The following SRRM4 variants were observed in gnomAD, a reference collection of about 807,000 sequenced individuals.
The protein encoded by SRRM4 is serine/arginine repetitive matrix protein 4.
In SRRM4, 33 loss-of-function variants were observed where a neutral mutation model predicts 68.9. That is an observed-to-expected ratio of 0.48 (90% CI 0.36 to 0.64). The LOEUF is 0.64. Ranked by LOEUF, SRRM4 falls within the 30% of genes least tolerant of loss-of-function variation. The pLI, the probability that SRRM4 is intolerant of heterozygous loss-of-function variation, is 0.00. For synonymous variants in SRRM4, 318 were observed against 318.8 expected (o/e 1.00, Z 0.03); for missense variants, 817 against 827.1 (o/e 0.99, Z 0.15).
chr12:119,004,808 G>T (rs1009275672), intron 1 of SRRM4, among the ~76,000 whole-genome samples: 2 of 151,940 alleles, frequency 1.3e-5, no homozygotes, highest in Admixed American at 1.3e-4. Context: ...AAAGGCAGAA[G>T]TGAAGACGAT....
At chr12:119,102,620 A>T (rs1210132857) in intron 2 of SRRM4, among the ~76,000 whole-genome samples, 1 of 152,246 alleles carries the variant, frequency 6.6e-6, no homozygotes, top group East Asian at 1.9e-4. Context: ...CATTATGCAA[A>T]CAAAAAGCAT....
At chr12:118,991,011 G>A (rs139659392) in intron 1 of SRRM4, among the ~76,000 whole-genome samples, 1 of 152,016 alleles carries the variant, frequency 6.6e-6, no homozygotes, top group Non-Finnish European at 1.5e-5. Context: ...CACCATTTTG[G>A]CCAGGCTGGT....
At position 119,159,083 on chromosome 12, in the gene SRRM4, G is replaced by C. The variant is rs1314203327; in HGVS notation, c.*2285G>C. ...TTTTTCTGCTGTTTTTTATGGATGG[G>C]ATTTGAGAGGCCAAAGGTGAGTGGG... On this transcript the variant is annotated 3_prime_UTR_variant, in exon 13 of 13. Transcript: ENST00000267260. 6.6e-6 allele frequency: 1 copy of C among 150,398 alleles called. No homozygotes were observed. Among genetic ancestry groups the C allele is most frequent in the Non-Finnish European group, 1.5e-5 (1 of 67,852 alleles). The allele number at this position is 150,398 out of a possible 1,614,324, so 9.3% of individuals were successfully genotyped here. A position where few individuals can be genotyped will look rare whatever the true frequency, so the allele number is the denominator to read the frequency against.
intron 1 of SRRM4, among the ~76,000 whole-genome samples, chr12:119,050,021 G>A (rs1953732406): frequency 6.6e-6 from 1 of 152,132 alleles, no homozygotes; most frequent in Non-Finnish European, 1.5e-5. Flanking sequence ...ACACAATTCA[G>A]CCTCAAACAA....
At position 119,114,363 on chromosome 12, in the gene SRRM4, A is replaced by T; in HGVS notation, c.364A>T (p.Arg122Trp). ...KKKSTRKKRRRSSSYSPSPVK... is the reference protein window; with the variant it reads ...KKKSTRKKRRWSSSYSPSPVK... ...GAAATCCACTCGGAAGAAGAGAAGG[A>T]GGTAAGAGCACCAAGAGGGAGATAA... Residue 122 changes from arginine (R) to tryptophan (W), a missense_variant and splice_region_variant, in exon 3 of 13, where the codon AGG (arginine) becomes TGG (tryptophan). Coordinates refer to ENST00000267260, the MANE Select transcript of SRRM4 (RefSeq NM_194286.4). The T allele has an allele frequency of 1.9e-6, 3 of 1,603,842 alleles. No homozygotes were observed. Among genetic ancestry groups the T allele is most frequent in the Non-Finnish European group, 2.6e-6 (3 of 1,174,750 alleles).
chr12:119,013,282 G>A (rs1953461236), intron 1 of SRRM4, among the ~76,000 whole-genome samples: 1 of 152,050 alleles, frequency 6.6e-6, no homozygotes, highest in Non-Finnish European at 1.5e-5. Flanking sequence ...ATCAGGCCCA[G>A]AGAGGCTAAG....
chr12:119,154,263 G>A lies in SRRM4; in HGVS notation c.1412G>A (p.Ser471Asn). ...TTCAGGGAGCGGGATCCCAAATACA[G>A]TGAGAAGGACTCGCAGCAGCGGGAG... ...SPSRERDPKY[S>N]EKDSQQRERE... is the part of the protein sequence containing the mutation. Residue 471 changes from serine (S) to asparagine (N), a missense_variant, in exon 12 of 13, where the codon AGT (serine) becomes AAT (asparagine). Physicochemically the swap from Ser to Asn is conservative, Grantham distance 46. Transcript: ENST00000267260. This position sits in a 1 kb window ranked among gnomAD's most constrained non-coding sequence, Gnocchi z 4.7. 4 of 1,608,598 alleles carry A rather than the reference G, an allele frequency of 2.5e-6. No homozygotes were observed. The highest frequency in any genetic ancestry group is 2.5e-6 in the Non-Finnish European group (3 of 1,177,510).
Position 119,145,694 on chromosome 12 carries a change from A to C in SRRM4, c.1076+9A>C. ...AGGGGCAGAGAGTCAAGGTCAGTGCACCACACAGGGTCGGGGGTAGACGGT... is the reference window on the plus strand; with the variant it reads ...AGGGGCAGAGAGTCAAGGTCAGTGCCCCACACAGGGTCGGGGGTAGACGGT... On this transcript the variant is annotated intron_variant, in intron 9 of 12. Coordinates refer to ENST00000267260, the MANE Select transcript of SRRM4 (RefSeq NM_194286.4). 6.6e-7 allele frequency: 1 copy of C among 1,508,126 alleles called. No individual in the cohort carries two copies. The highest frequency in any genetic ancestry group is 8.9e-7 in the Non-Finnish European group (1 of 1,128,932). The allele number at this position is 1,508,126 out of a possible 1,614,324, so 93.4% of individuals were successfully genotyped here.
At chr12:119,036,733 G>C (rs1953629758) in intron 1 of SRRM4, 1 of 152,358 alleles carries the variant, frequency 6.6e-6, no homozygotes, top group Non-Finnish European at 1.5e-5. Flanking sequence ...AAGATGCAGT[G>C]AATGCAGAAA....
chr12:119,020,934 C>T (rs552123254), intron 1 of SRRM4, among the ~76,000 whole-genome samples: 2 of 152,262 alleles, frequency 1.3e-5, no homozygotes, highest in South Asian at 4.2e-4. Flanking sequence ...CCTTCTCGCC[C>T]GTAGAGGGCG....
chr12:119,033,200 A>G (rs941528496), intron 1 of SRRM4, among the ~76,000 whole-genome samples: 1 of 152,222 alleles, frequency 6.6e-6, no homozygotes, highest in Non-Finnish European at 1.5e-5. Flanking sequence ...GGCAAATAAT[A>G]TAATGTATGC....
At chr12:119,066,682 CGTCT>C (rs1953848088) in intron 1 of SRRM4, among the ~76,000 whole-genome samples, 1 of 152,226 alleles carries the variant, frequency 6.6e-6, no homozygotes, top group Non-Finnish European at 1.5e-5. Flanking sequence ...TATAATAAAT[CGTCT>C]ACAGCCCTTC....
Position 119,154,867 on chromosome 12 carries a change from A to C in SRRM4, c.1532+484A>C, listed in dbSNP as rs1230311876. Reference sequence around the variant, plus strand: ...CCTATATGTAATTATACCTTGAACCAAGTGTGGAAAGGACAAACAGGATTG... The same window carrying C: ...CCTATATGTAATTATACCTTGAACCCAGTGTGGAAAGGACAAACAGGATTG... On this transcript the variant is annotated intron_variant, in intron 12 of 12. Transcript: ENST00000267260. This position sits in a 1 kb window ranked among gnomAD's most constrained non-coding sequence, Gnocchi z 4.7. 6.6e-6 allele frequency among the ~76,000 whole-genome samples: 1 copy of C among 152,184 alleles called. No homozygotes were observed. Among genetic ancestry groups the C allele is most frequent in the Non-Finnish European group, 1.5e-5 (1 of 68,020 alleles).
chr12:119,036,401 C>T lies in SRRM4; in HGVS notation c.131+54388C>T, dbSNP rs573250543. Among the ~76,000 whole-genome samples the T allele has an allele frequency of 8.5e-5, 13 of 152,294 alleles. No homozygotes were observed. The South Asian group carries it at 1.2e-3, about 15-fold the overall frequency. ...TTCCAGGCCCATCGTTCTGAGCATA[C>T]GGTGGCTTGCAGCTGAGCTTGGGCC... On this transcript the variant is annotated intron_variant, in intron 1 of 12. Transcript: ENST00000267260.
At chr12:119,098,528 G>A (rs1226112516) in intron 1 of SRRM4, among the ~76,000 whole-genome samples, 1 of 152,162 alleles carries the variant, frequency 6.6e-6, no homozygotes, top group Non-Finnish European at 1.5e-5. Context: ...TGTTCACTAA[G>A]CAGCAGGCTC....
chr12:119,045,154 C>T (rs2136013941), intron 1 of SRRM4, among the ~76,000 whole-genome samples: 1 of 152,258 alleles, frequency 6.6e-6, no homozygotes, highest in African/African-American at 2.4e-5. Context: ...AAAAGGTGGA[C>T]ACACCCACAG....
chr12:119,131,507 G>A (rs1327700559), intron 8 of SRRM4, among the ~76,000 whole-genome samples: 5 of 152,186 alleles, frequency 3.3e-5, no homozygotes, highest in African/African-American at 1.2e-4. Context: ...ATCCAATTTA[G>A]CAACCCAGCA....
At chr12:119,137,556 A>G (rs1273532270) in intron 8 of SRRM4, among the ~76,000 whole-genome samples, 2 of 149,750 alleles carry the variant, frequency 1.3e-5, no homozygotes. Flanking sequence ...GAGTATATTA[A>G]GGAACAAGGA....
chr12:119,142,430 T>C (rs1219924957), intron 8 of SRRM4, among the ~76,000 whole-genome samples: 4 of 152,118 alleles, frequency 2.6e-5, no homozygotes, highest in Non-Finnish European at 5.9e-5. Context: ...GCTCAGAGTG[T>C]TGGGTTGAGA....
Sources: gnomAD v4.1 joint callset for allele counts (sites outside exome capture counted in the v4.1 genomes callset) on GRCh38, gnomAD v4.1.1 for gene constraint, Gnocchi (gnomAD v3.1) non-coding constraint, MANE v1.5 for transcripts, NCBI Gene and HGNC (gene_info 2026-07-23, HGNC 2026-07-21) for gene names.